The following SCUBE2 variants were observed in gnomAD, a reference collection of about 807,000 sequenced individuals.
SCUBE2 encodes signal peptide, CUB domain and EGF like domain containing 2, also known as signal peptide, CUB and EGF-like domain-containing protein 2.
In SCUBE2, 114 loss-of-function variants were observed where a neutral mutation model predicts 125.9. The observed-to-expected ratio is 0.91, with a 90% CI of 0.78 to 1.06. The LOEUF (loss-of-function observed/expected upper bound fraction) is 1.06. Among genes scored for constraint, SCUBE2 ranks in the 50% least tolerant of loss-of-function variants. The pLI is 0.00. For synonymous variants in SCUBE2, 459 were observed against 492.9 expected (o/e 0.93, Z 0.91); for missense variants, 1,255 against 1,301.8 (o/e 0.96, Z 0.55).
intron 9 of SCUBE2, among the ~76,000 whole-genome samples, chr11:9,058,460 AT>A (rs1442725588): frequency 6.6e-6 from 1 of 151,708 alleles, no homozygotes; most frequent in African/African-American, 2.4e-5. Context: ...GCCGGGTGTG[AT>A]GGTGCGCACC....
At chr11:9,024,989 C>T (rs1208965478) in intron 21 of SCUBE2, among the ~76,000 whole-genome samples, 1 of 152,170 alleles carries the variant, frequency 6.6e-6, no homozygotes, top group East Asian at 1.9e-4. Context: ...CAAATAAGCT[C>T]AGGAAGAAAC....
At chr11:9,049,596 G>A (rs1176734663) in intron 14 of SCUBE2, among the ~76,000 whole-genome samples, 2 of 152,026 alleles carry the variant, frequency 1.3e-5, no homozygotes, top group African/African-American at 4.8e-5. Context: ...AGGTTTAAAA[G>A]TATAAATGCT....
At chr11:9,067,699 T>C (rs911586669) in intron 5 of SCUBE2, among the ~76,000 whole-genome samples, 1 of 152,184 alleles carries the variant, frequency 6.6e-6, no homozygotes, top group Non-Finnish European at 1.5e-5. Flanking sequence ...ACGTTAAATA[T>C]GTTAATGTTA....
rs746395084 is a variant in SCUBE2, at chr11:9,027,452, G to T, written c.2613C>A (p.Pro871=). The change falls in exon 20 of 23, where the codon CCC becomes CCA. Residue 871 remains proline, a synonymous_variant. Coordinates refer to ENST00000649792, the MANE Select transcript of SCUBE2 (RefSeq NM_001367977.2). The part of the protein sequence containing the change: ...NTECTWTINP[P]PKRRILIVVP... ...CCACGATCAGGATGCGGCGCTTGGG[G>T]GGTGGGTTGATGGTCCACGTACACT... is the stretch of plus-strand genomic sequence containing the variant. 5.6e-6 allele frequency: 9 copies of T among 1,613,978 alleles called. No individual in the cohort carries two copies. Among genetic ancestry groups the T allele is most frequent in the Non-Finnish European group, 6.8e-6 (8 of 1,180,022 alleles).
chr11:9,039,222 C>T (rs1308169112), intron 16 of SCUBE2, among the ~76,000 whole-genome samples: 1 of 151,946 alleles, frequency 6.6e-6, no homozygotes, highest in East Asian at 1.9e-4. Context: ...CAATTCAGAG[C>T]CTGGTACAAC....
chr11:9,072,442 T>TC (rs1860883989), intron 4 of SCUBE2, among the ~76,000 whole-genome samples: 1 of 152,180 alleles, frequency 6.6e-6, no homozygotes, highest in African/African-American at 2.4e-5. Flanking sequence ...TCTCCTGACC[T>TC]CGTGATCTGC....
chr11:9,040,667 G>T (rs1253459291), intron 16 of SCUBE2, among the ~76,000 whole-genome samples: 1 of 150,280 alleles, frequency 6.7e-6, no homozygotes, highest in Admixed American at 6.6e-5. Context: ...GGATGGGGAG[G>T]GTACACAGTG....
chr11:9,086,628 G>T (rs943733925), intron 2 of SCUBE2, among the ~76,000 whole-genome samples: 1 of 152,016 alleles, frequency 6.6e-6, no homozygotes, highest in Non-Finnish European at 1.5e-5. Flanking sequence ...CAAGGTGGGT[G>T]GATCATCTGA....
Position 9,091,403 on chromosome 11 carries a change from C to T in SCUBE2, c.126G>A (p.Pro42=), listed in dbSNP as rs1401019974. The T allele has an allele frequency of 2.3e-6, 3 of 1,306,366 alleles. No individual in the cohort carries two copies. Among genetic ancestry groups the T allele is most frequent in the Non-Finnish European group, 2.9e-6 (3 of 1,033,322 alleles). The allele number at this position is 1,306,366 out of a possible 1,614,324, so 80.9% of individuals were successfully genotyped here. Residue 42 remains proline, a synonymous_variant, in exon 1 of 23, where the codon CCG becomes CCA. Transcript: ENST00000649792. The surrounding 1 kb of genome is among the most constrained non-coding windows in gnomAD (Gnocchi z 8.5). ...CCGCGGCCGGACACTCACCCTCCTG[C>T]GGCCCCGCGGCACGGCCCCGACCCG... ...VPPGRGRAAG[P]QEDVDECAQG... is the part of the protein sequence containing the mutation.
At chr11:9,059,237 G>A (rs559472031) in intron 9 of SCUBE2, 66 bp downstream of exon 9, 1 of 1,569,290 alleles carries the variant, frequency 6.4e-7, no homozygotes, top group Non-Finnish European at 8.7e-7. Flanking sequence ...TGCCAGGAGG[G>A]TGCTACGTTC....
intron 7 of SCUBE2, among the ~76,000 whole-genome samples, chr11:9,062,340 C>T (rs756345778): frequency 1.8e-4 from 27 of 152,316 alleles, no homozygotes; most frequent in East Asian, 7.7e-4. Context: ...GACTCCTCTC[C>T]GGCTAAATTG....
intron 3 of SCUBE2, among the ~76,000 whole-genome samples, chr11:9,075,149 G>T (rs988170395): frequency 6.7e-6 from 1 of 149,878 alleles, no homozygotes; most frequent in African/African-American, 2.5e-5. Context: ...GGAGGTTGCA[G>T]CGAGCCGAGA....
intron 11 of SCUBE2, 70 bp from the exon 12 acceptor site, chr11:9,053,285 C>T (rs1472704645): frequency 7.7e-7 from 1 of 1,290,472 alleles, no homozygotes; most frequent in Non-Finnish European, 1.1e-6. Context: ...ATGGTTGAGT[C>T]CCATGCACCA....
chr11:9,069,959 C>G (rs1390349196), intron 4 of SCUBE2, among the ~76,000 whole-genome samples: 7 of 152,232 alleles, frequency 4.6e-5, no homozygotes, highest in Admixed American at 4.6e-4. Context: ...CCCCTCTCTG[C>G]CCCCACCAAT....
chr11:9,032,331 C>T (rs553570291), intron 17 of SCUBE2, among the ~76,000 whole-genome samples: 1 of 151,918 alleles, frequency 6.6e-6, no homozygotes, highest in Non-Finnish European at 1.5e-5. Context: ...ACTATGTTGC[C>T]CAGGCTGGTC....
At chr11:9,072,848 G>A (rs1361789357) in intron 4 of SCUBE2, among the ~76,000 whole-genome samples, 4 of 152,234 alleles carry the variant, frequency 2.6e-5, no homozygotes, top group African/African-American at 9.6e-5. Flanking sequence ...AACACAGTTT[G>A]CAGAAAGGAA....
chr11:9,021,013 G>A lies in SCUBE2; in HGVS notation c.*32C>T, dbSNP rs1165724696. 7.5e-6 allele frequency: 12 copies of A among 1,598,688 alleles called. No homozygotes were observed. Among genetic ancestry groups the A allele is most frequent in the Non-Finnish European group, 1.0e-5 (12 of 1,171,418 alleles). On this transcript the variant is annotated 3_prime_UTR_variant, in exon 23 of 23. Coordinates refer to ENST00000649792, the MANE Select transcript of SCUBE2 (RefSeq NM_001367977.2). The stretch of plus-strand genomic sequence containing the variant: ...GCTCTGTCCCACCAACCCTATAGCA[G>A]AACATTTGTATTGAGTGGCACGTGG...
chr11:9,054,600 C>T (rs1390206802), intron 10 of SCUBE2, among the ~76,000 whole-genome samples: 1 of 150,192 alleles, frequency 6.7e-6, no homozygotes, highest in Non-Finnish European at 1.5e-5. Flanking sequence ...TACATTTCCT[C>T]GAGGTTTCCT....
chr11:9,071,211 A>G (rs1317912077), intron 4 of SCUBE2, among the ~76,000 whole-genome samples: 7 of 152,216 alleles, frequency 4.6e-5, no homozygotes, highest in Admixed American at 3.9e-4. Context: ...CCTGGAAAGT[A>G]CACTCCCAAA....
Sources: allele counts gnomAD v4.1 joint callset (sites outside exome capture counted in the v4.1 genomes callset), GRCh38; gene constraint gnomAD v4.1.1; non-coding constraint Gnocchi (gnomAD v3.1); transcripts MANE v1.5; gene names NCBI Gene and HGNC (gene_info 2026-07-23, HGNC 2026-07-21).